The following ARHGAP42 variants were observed in gnomAD, a reference collection of about 807,000 sequenced individuals.
The protein encoded by ARHGAP42 is Rho GTPase activating protein 42, also known as rho GTPase-activating protein 42.
A neutral mutation model predicts 125.0 loss-of-function variants in ARHGAP42; 63 were observed. That is an observed-to-expected ratio of 0.50 (90% CI 0.41 to 0.62). The LOEUF is 0.62. Ranked by LOEUF, ARHGAP42 falls within the 20% of genes least tolerant of loss-of-function variation. The pLI is 0.00. For synonymous variants in ARHGAP42, 339 were observed against 351.0 expected (o/e 0.97, Z 0.38); for missense variants, 766 against 1,024.2 (o/e 0.75, Z 3.44).
intron 22 of ARHGAP42, among the ~76,000 whole-genome samples, chr11:100,982,865 A>G (rs1858579148): frequency 6.6e-6 from 1 of 152,230 alleles, no homozygotes; most frequent in African/African-American, 2.4e-5. Context: ...TTAAAAGGCT[A>G]TAAATCACTG....
chr11:100,901,589 A>G (rs1288589300), intron 4 of ARHGAP42, among the ~76,000 whole-genome samples: 1 of 152,118 alleles, frequency 6.6e-6, no homozygotes, highest in Non-Finnish European at 1.5e-5. Context: ...CTTGCCGGCC[A>G]CTTTGTTTAC....
At chr11:100,899,722 G>GTTTTTTTTTTTTTTTTTTTTTTTTTTT (rs767815247) in intron 4 of ARHGAP42, among the ~76,000 whole-genome samples, 5 of 67,226 alleles carry the variant, frequency 7.4e-5, no homozygotes, top group Admixed American at 1.5e-4. Flanking sequence ...TTTGTGTTTT[G>GTTTTTTTTTTTTTTTTTTTTTTTTTTT]TTTTTTTTTT....
At chr11:100,945,399 A>G (rs1035628709) in intron 10 of ARHGAP42, among the ~76,000 whole-genome samples, 1 of 152,056 alleles carries the variant, frequency 6.6e-6, no homozygotes, top group Non-Finnish European at 1.5e-5. Context: ...AATGTTCTTA[A>G]TGACATCTAA....
chr11:100,735,272 A>G (rs1862042087), intron 1 of ARHGAP42, among the ~76,000 whole-genome samples: 2 of 152,346 alleles, frequency 1.3e-5, no homozygotes, highest in Middle Eastern at 3.4e-3. Context: ...CAATGCCATC[A>G]GATAAATTCT....
intron 3 of ARHGAP42, among the ~76,000 whole-genome samples, chr11:100,829,706 C>G (rs1262105165): frequency 6.6e-6 from 1 of 152,140 alleles, no homozygotes; most frequent in Non-Finnish European, 1.5e-5. Flanking sequence ...ATTCCTTTAT[C>G]TGTTTACGGT....
At chr11:100,985,997 C>T (rs908441540) in intron 22 of ARHGAP42, 3 of 455,782 alleles carry the variant, frequency 6.6e-6, no homozygotes, top group South Asian at 3.1e-5. Context: ...AGATAAGGTG[C>T]CCTGAATCTT....
chr11:100,874,674 G>A (rs1215486825), intron 4 of ARHGAP42, among the ~76,000 whole-genome samples: 2 of 152,142 alleles, frequency 1.3e-5, no homozygotes, highest in African/African-American at 4.8e-5. Context: ...TCTCTGCCTT[G>A]ATTCTGCAGC....
At chr11:100,750,762 G>A (rs914920964) in intron 1 of ARHGAP42, among the ~76,000 whole-genome samples, 3 of 152,130 alleles carry the variant, frequency 2.0e-5, no homozygotes, top group Admixed American at 2.0e-4. Context: ...GCAGGTTATC[G>A]AATATGGTTG....
chr11:100,859,351 T>C, intron 3 of ARHGAP42: 1 of 434,000 alleles, frequency 2.3e-6, no homozygotes, highest in Non-Finnish European at 4.1e-6. Flanking sequence ...ATTTTTCACA[T>C]TGTTGTTAGG....
rs570626568 is a variant in ARHGAP42 at position 100,815,133 on chromosome 11, C to G, written c.312+19967C>G. Reference sequence around the variant, plus strand: ...AGTTTGTCTCCATTAAATTGTATAACCTCTTTCAGCAGGACCCAAAATTAT... The same window carrying G: ...AGTTTGTCTCCATTAAATTGTATAAGCTCTTTCAGCAGGACCCAAAATTAT... On this transcript the variant is annotated intron_variant, in intron 3 of 23. Transcript: ENST00000298815. Among the ~76,000 whole-genome samples, 11 of 152,294 alleles carry G rather than the reference C, an allele frequency of 7.2e-5. No individual in the cohort carries two copies. In the South Asian group the frequency reaches 2.3e-3, roughly 32 times the overall value.
intron 1 of ARHGAP42, among the ~76,000 whole-genome samples, chr11:100,739,535 G>A (rs1018939713): frequency 6.6e-6 from 1 of 152,180 alleles, no homozygotes; most frequent in African/African-American, 2.4e-5. Context: ...TACTGAAGCA[G>A]TCAGGATGAA....
chr11:100,950,078 C>T (rs1020416966), intron 12 of ARHGAP42, 122 bp downstream of exon 12: 6 of 445,520 alleles, frequency 1.3e-5, no homozygotes, highest in Non-Finnish European at 1.8e-5. Context: ...GGTACAGCAA[C>T]TTTGAAATTT....
chr11:100,695,729 A>C (rs988720353), intron 1 of ARHGAP42, among the ~76,000 whole-genome samples: 1 of 152,224 alleles, frequency 6.6e-6, no homozygotes, highest in African/African-American at 2.4e-5. Flanking sequence ...GGTGGAACAC[A>C]AATAGAACAG....
intron 1 of ARHGAP42, among the ~76,000 whole-genome samples, chr11:100,768,962 T>C (rs1862902348): frequency 6.6e-6 from 1 of 152,200 alleles, no homozygotes; most frequent in South Asian, 2.1e-4. Flanking sequence ...TAATAGAGTA[T>C]ACTTACACAA....
At chr11:100,704,997 CCAA>C (rs202095677) in intron 1 of ARHGAP42, among the ~76,000 whole-genome samples, 2 of 111,796 alleles carry the variant, frequency 1.8e-5, no homozygotes, top group African/African-American at 4.0e-5. Context: ...GAGCCAAACC[CCAA>C]CAACAACAAC....
chr11:100,703,597 G>T (rs1861432175), intron 1 of ARHGAP42, among the ~76,000 whole-genome samples: 2 of 152,212 alleles, frequency 1.3e-5, no homozygotes. Context: ...ATGATTATAA[G>T]ATATGATATA....
chr11:100,914,509 G>GAACAAC (rs138419731), intron 5 of ARHGAP42, among the ~76,000 whole-genome samples: 26 of 151,022 alleles, frequency 1.7e-4, no homozygotes, highest in South Asian at 4.2e-4. Flanking sequence ...GTCACCTTGA[G>GAACAAC]AACAACAACA....
chr11:100,782,397 A>G (rs911471230), intron 2 of ARHGAP42, among the ~76,000 whole-genome samples: 1 of 152,234 alleles, frequency 6.6e-6, no homozygotes, highest in African/African-American at 2.4e-5. Flanking sequence ...CAATTTTGAC[A>G]TAAAATGTTT....
chr11:100,801,415 A>G (rs1192404691), intron 3 of ARHGAP42, among the ~76,000 whole-genome samples: 3 of 152,192 alleles, frequency 2.0e-5, no homozygotes, highest in Non-Finnish European at 2.9e-5. Flanking sequence ...AAACAAAAAT[A>G]TCGACTGGAT....
Sources: allele counts gnomAD v4.1 joint callset (sites outside exome capture counted in the v4.1 genomes callset), GRCh38; gene constraint gnomAD v4.1.1; transcripts MANE v1.5; gene names NCBI Gene and HGNC (gene_info 2026-07-23, HGNC 2026-07-21).